Variants in PTPN1 observed in about 807,000 individuals in gnomAD.
The protein encoded by PTPN1 is tyrosine-protein phosphatase non-receptor type 1.
Under a neutral mutation model 59.9 loss-of-function variants are expected in PTPN1, and 12 were observed. That is an observed-to-expected ratio of 0.20 (90% CI 0.13 to 0.32). PTPN1 has a LOEUF of 0.32. Among genes scored for constraint, PTPN1 ranks in the 10% least tolerant of loss-of-function variants. The pLI is 1.00. For missense variants in PTPN1, 356 were observed against 549.2 expected (o/e 0.65, Z 3.52); for synonymous variants, 178 against 203.6 (o/e 0.87, Z 1.07).
At chr20:50,538,663 A>G (rs2082634797) in intron 1 of PTPN1, among the ~76,000 whole-genome samples, 1 of 152,218 alleles carries the variant, frequency 6.6e-6, no homozygotes. Context: ...AAATCATTAA[A>G]TCTTTTGGCA....
chr20:50,567,383 C>T (rs904768201), intron 3 of PTPN1, among the ~76,000 whole-genome samples: 2 of 151,890 alleles, frequency 1.3e-5, no homozygotes, highest in Admixed American at 6.5e-5. Flanking sequence ...GCCAGGATTG[C>T]GCCCCTGTAC....
intron 1 of PTPN1, among the ~76,000 whole-genome samples, chr20:50,559,154 C>A (rs2082739738): frequency 6.6e-6 from 1 of 151,604 alleles, no homozygotes; most frequent in Admixed American, 6.6e-5. Context: ...GCCTCAGCCT[C>A]CTGAGTAGCT....
chr20:50,566,496 C>T (rs528946742), intron 3 of PTPN1, among the ~76,000 whole-genome samples: 1 of 152,088 alleles, frequency 6.6e-6, no homozygotes, highest in East Asian at 1.9e-4. Flanking sequence ...TACACAGTTT[C>T]CCTTTGCCCT....
intron 1 of PTPN1, among the ~76,000 whole-genome samples, chr20:50,532,014 A>C (rs1481339317): frequency 6.6e-6 from 1 of 152,192 alleles, no homozygotes; most frequent in Non-Finnish European, 1.5e-5. Flanking sequence ...GCTGCAGACT[A>C]GTAATAAACT....
At chr20:50,539,546 G>A (rs987498375) in intron 1 of PTPN1, among the ~76,000 whole-genome samples, 1 of 151,584 alleles carries the variant, frequency 6.6e-6, no homozygotes, top group African/African-American at 2.4e-5. Context: ...CTGGTATAAA[G>A]CATTGCTGTA....
intron 4 of PTPN1, among the ~76,000 whole-genome samples, chr20:50,569,102 C>G (rs1258597592): frequency 6.6e-6 from 1 of 152,182 alleles, no homozygotes; most frequent in Non-Finnish European, 1.5e-5. Flanking sequence ...GCCACCTCTC[C>G]TTCTTGACTT....
chr20:50,571,428 A>G (rs1457493737), intron 4 of PTPN1: 1 of 152,264 alleles, frequency 6.6e-6, no homozygotes, highest in Non-Finnish European at 1.5e-5. Flanking sequence ...TCAATTCTGT[A>G]TCAGCATTAT....
chr20:50,561,473 G>C lies in PTPN1; in HGVS notation c.154+20G>C, dbSNP rs769233650. On this transcript the variant is annotated intron_variant, in intron 2 of 9. Coordinates refer to ENST00000371621, the MANE Select transcript of PTPN1 (RefSeq NM_002827.4). ...GTCCCTGTAAGTATCCACGTGGCCGGTACCAGTCTTGCTCTTCCTTTGCTG... is the reference window on the plus strand; with the variant it reads ...GTCCCTGTAAGTATCCACGTGGCCGCTACCAGTCTTGCTCTTCCTTTGCTG... 8.5e-6 allele frequency: 13 copies of C among 1,531,180 alleles called. No homozygotes were observed. Among genetic ancestry groups the C allele is most frequent in the Non-Finnish European group, 1.1e-5 (12 of 1,112,970 alleles). The allele number at this position is 1,531,180 out of a possible 1,614,324, so 94.8% of individuals were successfully genotyped here. A position where few individuals can be genotyped will look rare whatever the true frequency, so the allele number is the denominator to read the frequency against.
chr20:50,552,573 A>G (rs2082706935), intron 1 of PTPN1, among the ~76,000 whole-genome samples: 1 of 152,158 alleles, frequency 6.6e-6, no homozygotes, highest in African/African-American at 2.4e-5. Flanking sequence ...TCATGCCTGT[A>G]ATCTCAGCAC....
At chr20:50,575,584 T>C (rs1363415271) in intron 5 of PTPN1, among the ~76,000 whole-genome samples, 1 of 152,200 alleles carries the variant, frequency 6.6e-6, no homozygotes, top group Non-Finnish European at 1.5e-5. Context: ...TGCCTCCCCT[T>C]CTCAAGTACT....
At chr20:50,544,295 C>CCG (rs2082665507) in intron 1 of PTPN1, among the ~76,000 whole-genome samples, 2 of 152,078 alleles carry the variant, frequency 1.3e-5, no homozygotes, top group South Asian at 4.1e-4. Flanking sequence ...GGACCACAGA[C>CCG]ATGTACCACC....
At chr20:50,544,745 T>G (rs2082667491) in intron 1 of PTPN1, among the ~76,000 whole-genome samples, 1 of 152,034 alleles carries the variant, frequency 6.6e-6, no homozygotes, top group Non-Finnish European at 1.5e-5. Flanking sequence ...GCTGGGGTAT[T>G]TATCTCTTTC....
At chr20:50,571,978 T>A (rs1260378905) in intron 4 of PTPN1, 2 of 152,268 alleles carry the variant, frequency 1.3e-5, no homozygotes, top group African/African-American at 4.8e-5. Flanking sequence ...CTCTCGTACT[T>A]AGTTCTCTGT....
chr20:50,556,378 C>T (rs576825337), intron 1 of PTPN1, among the ~76,000 whole-genome samples: 3 of 151,970 alleles, frequency 2.0e-5, no homozygotes, highest in East Asian at 1.9e-4. Flanking sequence ...ATTGTAGAGA[C>T]GAGGCATCAT....
intron 1 of PTPN1, among the ~76,000 whole-genome samples, chr20:50,536,587 G>A (rs887561726): frequency 2.2e-4 from 34 of 152,224 alleles, no homozygotes; most frequent in African/African-American, 8.2e-4. Flanking sequence ...CAGGGAAGGC[G>A]TGTGGCCAGA....
intron 1 of PTPN1, among the ~76,000 whole-genome samples, chr20:50,535,178 T>C (rs1410351585): frequency 6.6e-6 from 1 of 152,236 alleles, no homozygotes; most frequent in Non-Finnish European, 1.5e-5. Context: ...GGAGGACATG[T>C]TATGTATCAC....
At chr20:50,515,385 T>C (rs576793798) in intron 1 of PTPN1, among the ~76,000 whole-genome samples, 4 of 152,388 alleles carry the variant, frequency 2.6e-5, no homozygotes, top group African/African-American at 9.6e-5. Flanking sequence ...GTCACCTGTG[T>C]GTTTTCATAC....
At position 50,582,772 on chromosome 20, in the gene PTPN1, C is replaced by G; in HGVS notation, c.*57C>G. ...TGTCCGCCTCTGCCCGCAGAGCCCA[C>G]GCCCGACTAGCAGGCATGCCGCGGT... On this transcript the variant is annotated 3_prime_UTR_variant, in exon 10 of 10. Coordinates refer to ENST00000371621, the MANE Select transcript of PTPN1 (RefSeq NM_002827.4). This position sits in a 1 kb window ranked among gnomAD's most constrained non-coding sequence, Gnocchi z 4.2. 1.2e-6 allele frequency: 2 copies of G among 1,605,112 alleles called. No individual in the cohort carries two copies. Among genetic ancestry groups the G allele is most frequent in the South Asian group, 2.2e-5 (2 of 89,862 alleles).
intron 1 of PTPN1, among the ~76,000 whole-genome samples, chr20:50,560,956 G>A (rs559266379): frequency 6.6e-6 from 1 of 152,220 alleles, no homozygotes; most frequent in South Asian, 2.1e-4. Flanking sequence ...TATAGAAATT[G>A]CAGTTGGAAC....
Sources: gnomAD v4.1 joint callset for allele counts (sites outside exome capture counted in the v4.1 genomes callset) on GRCh38, gnomAD v4.1.1 for gene constraint, Gnocchi (gnomAD v3.1) non-coding constraint, MANE v1.5 for transcripts, NCBI Gene and HGNC (gene_info 2026-07-23, HGNC 2026-07-21) for gene names.